Variants in SYTL5 observed in about 807,000 individuals in gnomAD.
SYTL5 encodes the protein synaptotagmin like 5, also known as synaptotagmin-like protein 5.
In SYTL5, 34 loss-of-function variants were observed where a neutral mutation model predicts 55.9. The ratio of observed to expected loss-of-function variants is 0.61; its 90% CI spans 0.46 to 0.81. The LOEUF is 0.81. Ranked by LOEUF, SYTL5 falls within the 30% of genes least tolerant of loss-of-function variation. SYTL5 has a pLI of 0.00. For missense variants in SYTL5, 637 were observed against 546.7 expected (o/e 1.17, Z -1.65); for synonymous variants, 221 against 188.7 (o/e 1.17, Z -1.40).
At chrX:38,025,593 G>C (rs1934740014) in intron 1 of SYTL5, among the ~76,000 whole-genome samples, 1 of 111,817 alleles carries the variant, frequency 8.9e-6, no homozygotes, top group South Asian at 3.7e-4. Flanking sequence ...GGCCACAGAG[G>C]GAAAAATCTA....
intron 4 of SYTL5, among the ~76,000 whole-genome samples, chrX:38,072,751 C>T (rs1470643522): frequency 1.8e-5 from 2 of 112,021 alleles, no homozygotes; most frequent in East Asian, 5.6e-4. Flanking sequence ...TGAATGAATA[C>T]TGGCACCAAA....
chrX:37,919,580 A>G, the SYTL5 span, among the ~76,000 whole-genome samples: 1 of 111,767 alleles, frequency 8.9e-6, no homozygotes. Flanking sequence ...CTCCCACCAC[A>G]AGCTAGAATG....
intron 9 of SYTL5, 48 bp downstream of exon 9, chrX:38,096,282 C>T (rs1246721555): frequency 1.3e-6 from 1 of 774,550 alleles, no homozygotes; most frequent in Admixed American, 2.4e-5. Context: ...GAAATAAGGG[C>T]ATAATCTTGC....
chrX:37,966,395 C>T, the SYTL5 span, among the ~76,000 whole-genome samples: 6 of 108,812 alleles, frequency 5.5e-5, no homozygotes, highest in Non-Finnish European at 1.1e-4. Flanking sequence ...ACCTCTGCTT[C>T]ACACATTGTT....
chrX:38,106,869 TCA>T (rs1937231621), intron 11 of SYTL5, 98 bp downstream of exon 11: 5 of 706,616 alleles, frequency 7.1e-6, no homozygotes, highest in Admixed American at 9.1e-5. Flanking sequence ...TCTTCTTGAT[TCA>T]GTCTTCTCAG....
In SYTL5 at chrX:38,094,331, A is replaced by G. The variant is rs1159210087; in HGVS notation, c.868A>G (p.Ile290Val). 3.3e-6 allele frequency: 4 copies of G among 1,204,390 alleles called. No individual in the cohort carries two copies. The South Asian group carries it at 7.2e-5, about 22-fold the overall frequency. The change falls in exon 8 of 17, where the codon ATT becomes GTT. Residue 290 changes from isoleucine (I) to valine (V), a missense_variant. Transcript: ENST00000297875. ...TGAAAATTCCATGGATTTGGCTGCT[A>G]TTGAAGGTACCTCTCAGGAGCTCAC... ...GFENSMDLAA[I>V]EGTSQELTKS...
At chrX:37,954,264 C>G in the SYTL5 span, among the ~76,000 whole-genome samples, 1 of 111,507 alleles carries the variant, frequency 9.0e-6, no homozygotes, top group Non-Finnish European at 1.9e-5. Context: ...GCTTCAGGAA[C>G]TGACTGAAGG....
At chrX:38,023,574 A>G (rs1163509053) in intron 1 of SYTL5, among the ~76,000 whole-genome samples, 1 of 111,750 alleles carries the variant, frequency 8.9e-6, no homozygotes, top group Non-Finnish European at 1.9e-5. Context: ...TGCATTAAAA[A>G]GCATAATTAT....
At chrX:37,977,007 T>G in the SYTL5 span, among the ~76,000 whole-genome samples, 1 of 111,357 alleles carries the variant, frequency 9.0e-6, no homozygotes, top group Non-Finnish European at 1.9e-5. Context: ...ACTCACAATC[T>G]TTTGTTTACT....
At chrX:38,062,591 C>A (rs1194603670) in intron 3 of SYTL5, among the ~76,000 whole-genome samples, 1 of 111,473 alleles carries the variant, frequency 9.0e-6, no homozygotes, top group Non-Finnish European at 1.9e-5. Context: ...CCCCTGACAT[C>A]TGGAAACTGG....
chrX:38,042,004 C>T (rs1346858107), intron 2 of SYTL5, among the ~76,000 whole-genome samples: 1 of 110,548 alleles, frequency 9.0e-6, no homozygotes, highest in Non-Finnish European at 1.9e-5. Flanking sequence ...CTAGCTATTT[C>T]AGACCATTTT....
the SYTL5 span, among the ~76,000 whole-genome samples, chrX:37,963,678 C>T: frequency 4.5e-5 from 5 of 111,880 alleles, no homozygotes; most frequent in Non-Finnish European, 9.4e-5. Context: ...ATCATGTTAC[C>T]TGCAAAGAGA....
intron 9 of SYTL5, among the ~76,000 whole-genome samples, chrX:38,097,229 G>A (rs1378162817): frequency 1.8e-5 from 2 of 110,719 alleles, no homozygotes; most frequent in Non-Finnish European, 3.8e-5. Context: ...GGAAGAATGA[G>A]TCTATATAAG....
At chrX:38,053,163 G>A (rs912956672) in intron 2 of SYTL5, among the ~76,000 whole-genome samples, 1 of 112,400 alleles carries the variant, frequency 8.9e-6, no homozygotes. Context: ...ATCCAACAGG[G>A]TCTAAGGCAG....
chrX:37,942,582 GA>G, the SYTL5 span, among the ~76,000 whole-genome samples: 1 of 111,672 alleles, frequency 9.0e-6, no homozygotes, highest in Non-Finnish European at 1.9e-5. Context: ...CTAAGCTCTT[GA>G]ACACCAGCTC....
the SYTL5 span, among the ~76,000 whole-genome samples, chrX:37,909,848 T>G: frequency 9.1e-6 from 1 of 110,313 alleles, no homozygotes; most frequent in African/African-American, 3.3e-5. Context: ...CTGATTTTTG[T>G]ATTTTTAGTA....
At chrX:38,121,711 G>A (rs1024009304) in intron 14 of SYTL5, among the ~76,000 whole-genome samples, 1 of 112,208 alleles carries the variant, frequency 8.9e-6, no homozygotes, top group African/African-American at 3.2e-5. Context: ...TTGAGTTTTG[G>A]TGCATGTATA....
chrX:37,903,182 C>T, the SYTL5 span, among the ~76,000 whole-genome samples: 1 of 110,915 alleles, frequency 9.0e-6, no homozygotes, highest in Non-Finnish European at 1.9e-5. Flanking sequence ...CCATTCGACC[C>T]CGCCATCCCA....
At chrX:38,056,218 T>C (rs1437354191) in intron 3 of SYTL5, among the ~76,000 whole-genome samples, 1 of 112,022 alleles carries the variant, frequency 8.9e-6, no homozygotes, top group African/African-American at 3.2e-5. Flanking sequence ...CATGTAAAGT[T>C]TGTCTTTCTG....
Sources: gnomAD v4.1 joint callset for allele counts (sites outside exome capture counted in the v4.1 genomes callset) on GRCh38, gnomAD v4.1.1 for gene constraint, MANE v1.5 for transcripts, NCBI Gene and HGNC (gene_info 2026-07-23, HGNC 2026-07-21) for gene names.